Variants in AP2A2 observed in about 807,000 individuals in gnomAD.
AP2A2 encodes the protein AP-2 complex subunit alpha-2.
Under a neutral mutation model 104.2 loss-of-function variants are expected in AP2A2, and 32 were observed. That is an observed-to-expected ratio of 0.31 (90% confidence interval 0.23 to 0.41). The LOEUF is 0.41. AP2A2 is among the 10% of genes least tolerant of loss of function. The pLI, the probability that AP2A2 is intolerant of heterozygous loss-of-function variation, is 1.00. For synonymous variants in AP2A2, 539 were observed against 533.3 expected, an observed-to-expected ratio of 1.01 and a Z score of -0.15; for missense variants, 912 against 1,261.0, an observed-to-expected ratio of 0.72 and a Z score of 4.19.
intron 1 of AP2A2, among the ~76,000 whole-genome samples, chr11:929,307 AGAGGACTC>A (rs1242065873): frequency 6.6e-6 from 1 of 152,164 alleles, no homozygotes; most frequent in African/African-American, 2.4e-5. Context: ...CCCTGTGGAA[AGAGGACTC>A]TGAGCCAACA....
chr11:1,008,740 A>G, intron 18 of AP2A2: 1 of 332,528 alleles, frequency 3.0e-6, no homozygotes, highest in Non-Finnish European at 5.5e-6. Flanking sequence ...ATACTGTAGA[A>G]TTCGGGGACA....
chr11:991,191 C>T (rs772704559), intron 10 of AP2A2, among the ~76,000 whole-genome samples: 4 of 152,236 alleles, frequency 2.6e-5, no homozygotes, highest in Admixed American at 6.5e-5. Context: ...TCCTTTCAGT[C>T]GAGCATGGCA....
At chr11:946,160 G>A (rs927131952) in intron 1 of AP2A2, among the ~76,000 whole-genome samples, 1 of 152,160 alleles carries the variant, frequency 6.6e-6, no homozygotes, top group African/African-American at 2.4e-5. Context: ...ACACTCTGAG[G>A]AGCTTTTATC....
At chr11:932,032 C>T (rs1218107483) in intron 1 of AP2A2, among the ~76,000 whole-genome samples, 1 of 152,016 alleles carries the variant, frequency 6.6e-6, no homozygotes, top group Non-Finnish European at 1.5e-5. Flanking sequence ...ATCTCCTGAC[C>T]TCGTGAGCCA....
intron 1 of AP2A2, among the ~76,000 whole-genome samples, chr11:942,028 T>G (rs1410156199): frequency 2.0e-5 from 3 of 150,782 alleles, no homozygotes; most frequent in African/African-American, 7.3e-5. Context: ...CCAGGTTCAC[T>G]CCATTCTCCT....
intron 5 of AP2A2, 29 bp downstream of exon 5, chr11:977,253 G>T: frequency 6.4e-7 from 1 of 1,552,906 alleles, no homozygotes; most frequent in Non-Finnish European, 8.7e-7. Context: ...GGTTCTCCCC[G>T]CTCCCCCAGG....
intron 9 of AP2A2, among the ~76,000 whole-genome samples, chr11:987,332 A>G (rs1855495622): frequency 6.6e-6 from 1 of 152,100 alleles, no homozygotes; most frequent in Admixed American, 6.5e-5. Flanking sequence ...TACAAAGGAA[A>G]CTCACTTTGT....
At chr11:987,875 C>T (rs945418213) in intron 9 of AP2A2, among the ~76,000 whole-genome samples, 4 of 152,262 alleles carry the variant, frequency 2.6e-5, no homozygotes, top group Non-Finnish European at 5.9e-5. Context: ...CAGGGCTGCT[C>T]CCAGTCCCCC....
At chr11:976,192 T>G (rs542201932) in intron 4 of AP2A2, among the ~76,000 whole-genome samples, 1 of 152,176 alleles carries the variant, frequency 6.6e-6, no homozygotes, top group Admixed American at 6.5e-5. Flanking sequence ...GCTGATCTGG[T>G]GAGGATGGGG....
At chr11:944,247 G>A (rs929477841) in intron 1 of AP2A2, among the ~76,000 whole-genome samples, 6 of 152,342 alleles carry the variant, frequency 3.9e-5, no homozygotes, top group Non-Finnish European at 8.8e-5. Context: ...TTTTCCAGCT[G>A]TGTTGCTCAG....
intron 19 of AP2A2, 48 bp downstream of exon 19, chr11:1,009,264 T>C: frequency 6.2e-7 from 1 of 1,609,490 alleles, no homozygotes; most frequent in South Asian, 1.1e-5. Flanking sequence ...ACGGGGCTCA[T>C]TTGAAAAGGT....
intron 10 of AP2A2, among the ~76,000 whole-genome samples, chr11:989,093 G>C (rs566624342): frequency 3.3e-5 from 5 of 152,146 alleles, no homozygotes; most frequent in Admixed American, 6.5e-5. Flanking sequence ...AGGCCAAGGC[G>C]GGCGGATCAC....
At chr11:935,540 G>T (rs1853424538) in intron 1 of AP2A2, among the ~76,000 whole-genome samples, 1 of 148,910 alleles carries the variant, frequency 6.7e-6, no homozygotes. Context: ...GACCTCAAGT[G>T]ATGCGCCTGC....
chr11:972,292 T>C (rs1196569896), intron 4 of AP2A2, 37 bp downstream of exon 4: 2 of 1,523,434 alleles, frequency 1.3e-6, no homozygotes, highest in Non-Finnish European at 1.8e-6. Context: ...CTGCTGAAGA[T>C]GTGCTGCTTT....
At chr11:1,002,863 GC>G (rs1856072189) in intron 15 of AP2A2, among the ~76,000 whole-genome samples, 1 of 152,230 alleles carries the variant, frequency 6.6e-6, no homozygotes, top group Non-Finnish European at 1.5e-5. Flanking sequence ...TGCAGCATTT[GC>G]TTCTTAGGCA....
At chr11:939,668 C>G (rs1001934318) in intron 1 of AP2A2, among the ~76,000 whole-genome samples, 103 of 152,152 alleles carry the variant, frequency 6.8e-4, no homozygotes, top group African/African-American at 2.3e-3. Context: ...TGGTTTTGAA[C>G]CCCTGACCTC....
At chr11:1,004,718 G>A (rs1856146204) in intron 16 of AP2A2, among the ~76,000 whole-genome samples, 1 of 152,208 alleles carries the variant, frequency 6.6e-6, no homozygotes, top group South Asian at 2.1e-4. Flanking sequence ...TGAGGCTGCA[G>A]TGAGCTGAGA....
chr11:1,007,737 C>G, intron 17 of AP2A2: 1 of 540,194 alleles, frequency 1.9e-6, no homozygotes, highest in Non-Finnish European at 3.3e-6. Context: ...AGACCCAGAG[C>G]CGAGGCTCAG....
chr11:984,970 T>C (rs998214783), intron 7 of AP2A2, among the ~76,000 whole-genome samples: 15 of 152,226 alleles, frequency 9.9e-5, no homozygotes. Flanking sequence ...TTTGTGCTTT[T>C]ATAGTATCAG....
Sources: gnomAD v4.1 joint callset for allele counts (sites outside exome capture counted in the v4.1 genomes callset) on GRCh38, gnomAD v4.1.1 for gene constraint, MANE v1.5 for transcripts, NCBI Gene and HGNC (gene_info 2026-07-23, HGNC 2026-07-21) for gene names.